The following CACNA2D1 variants were observed in gnomAD, a reference collection of about 807,000 sequenced individuals.
The protein encoded by CACNA2D1 is voltage-dependent calcium channel subunit alpha-2/delta-1.
In CACNA2D1, 53 loss-of-function variants were observed where a neutral mutation model predicts 171.5. The ratio of observed to expected loss-of-function variants is 0.31; its 90% CI spans 0.25 to 0.39. CACNA2D1 has a LOEUF of 0.39. CACNA2D1 is among the 10% of genes least tolerant of loss of function. CACNA2D1 has a pLI of 1.00. For missense variants in CACNA2D1, 903 were observed against 1,299.8 expected, an observed-to-expected ratio of 0.69 and a Z score of 4.69; for synonymous variants, 442 against 443.1, an observed-to-expected ratio of 1.00 and a Z score of 0.03.
chr7:81,972,162 G>A (rs1018757408), intron 25 of CACNA2D1, among the ~76,000 whole-genome samples: 4 of 151,300 alleles, frequency 2.6e-5, no homozygotes, highest in African/African-American at 9.7e-5. Context: ...CTTCTTTTGT[G>A]TTTTTGTTTA....
rs897523180 is a variant in CACNA2D1 at position 82,266,524 on chromosome 7, C to CT, written c.294+68610dup. Among the ~76,000 whole-genome samples, 45 of 151,174 alleles carry CT rather than the reference C, an allele frequency of 3.0e-4. No homozygotes were observed. The East Asian group carries it at 3.3e-3, about 11-fold the overall frequency. On this transcript the variant is annotated intron_variant, in intron 3 of 38. Transcript: ENST00000356860. ...CTACTGGCAAGAAAGGTTTTCAACT[C>CT]TTTTTTTTTGAGATGGATTTTTGCT...
chr7:82,167,416 C>G (rs1363468133), intron 4 of CACNA2D1, among the ~76,000 whole-genome samples: 1 of 151,894 alleles, frequency 6.6e-6, no homozygotes, highest in South Asian at 2.1e-4. Context: ...TATCTGTGCA[C>G]TAAAGCACCA....
At chr7:82,057,578 AT>A (rs1218871224) in intron 10 of CACNA2D1, among the ~76,000 whole-genome samples, 3 of 145,196 alleles carry the variant, frequency 2.1e-5, no homozygotes, top group East Asian at 4.1e-4. Context: ...AAAAAAAAAA[AT>A]AAGTGATGCT....
chr7:82,214,562 C>T (rs1469596340), intron 3 of CACNA2D1, among the ~76,000 whole-genome samples: 2 of 151,642 alleles, frequency 1.3e-5, no homozygotes, highest in Non-Finnish European at 2.9e-5. Flanking sequence ...CACACAATAT[C>T]CAACTTGGAA....
At chr7:82,361,055 G>A (rs1821025971) in intron 1 of CACNA2D1, among the ~76,000 whole-genome samples, 1 of 152,146 alleles carries the variant, frequency 6.6e-6, no homozygotes, top group Admixed American at 6.6e-5. Flanking sequence ...TTCTAGCTCA[G>A]AAAATATATT....
intron 10 of CACNA2D1, among the ~76,000 whole-genome samples, chr7:82,058,055 G>T (rs1471174306): frequency 6.6e-6 from 1 of 152,096 alleles, no homozygotes; most frequent in Non-Finnish European, 1.5e-5. Flanking sequence ...TGCCCAGTCT[G>T]TTTTTCCCAC....
intron 10 of CACNA2D1, among the ~76,000 whole-genome samples, chr7:82,052,858 T>C (rs1460059754): frequency 6.6e-6 from 1 of 152,158 alleles, no homozygotes; most frequent in East Asian, 1.9e-4. Context: ...TTTTCTACTG[T>C]TTTCTTATCC....
At chr7:82,298,403 C>A (rs1332455156) in intron 3 of CACNA2D1, among the ~76,000 whole-genome samples, 1 of 152,126 alleles carries the variant, frequency 6.6e-6, no homozygotes, top group Non-Finnish European at 1.5e-5. Context: ...GAAACATAAT[C>A]CAGGTTTTCC....
chr7:81,979,501 C>T (rs1796228433), intron 24 of CACNA2D1, among the ~76,000 whole-genome samples: 1 of 152,144 alleles, frequency 6.6e-6, no homozygotes, highest in Non-Finnish European at 1.5e-5. Flanking sequence ...GCATAATCTG[C>T]TACTTAATAA....
intron 3 of CACNA2D1, among the ~76,000 whole-genome samples, chr7:82,175,943 A>G (rs983225049): frequency 1.3e-5 from 2 of 151,048 alleles, no homozygotes; most frequent in Non-Finnish European, 2.9e-5. Flanking sequence ...ATGAAAAAAA[A>G]TCTTAGTAGA....
intron 25 of CACNA2D1, among the ~76,000 whole-genome samples, chr7:81,973,199 A>G (rs1795472518): frequency 6.6e-6 from 1 of 152,078 alleles, no homozygotes. Context: ...CAACAATCTT[A>G]TTACAGTTCT....
intron 6 of CACNA2D1, among the ~76,000 whole-genome samples, chr7:82,114,760 GAA>G (rs34240770): frequency 2.8e-3 from 286 of 103,078 alleles, no homozygotes; most frequent in African/African-American, 8.1e-3. Flanking sequence ...CGTCCCAGAA[GAA>G]AAAAAAAAAA....
intron 38 of CACNA2D1, among the ~76,000 whole-genome samples, chr7:81,955,980 A>ATTTTTTTTTTTT: frequency 2.9e-5 from 1 of 34,546 alleles, no homozygotes; most frequent in Non-Finnish European, 4.9e-5. Context: ...ATATATATAT[A>ATTTTTTTTTTTT]TTTTTTTTTT....
At chr7:82,058,802 CA>C (rs1450242434) in intron 10 of CACNA2D1, among the ~76,000 whole-genome samples, 1 of 152,080 alleles carries the variant, frequency 6.6e-6, no homozygotes, top group African/African-American at 2.4e-5. Flanking sequence ...AGGGAAATCA[CA>C]AAAAGAGTTT....
At chr7:82,350,190 T>C (rs1486106601) in intron 1 of CACNA2D1, among the ~76,000 whole-genome samples, 3 of 152,230 alleles carry the variant, frequency 2.0e-5, no homozygotes, top group African/African-American at 7.2e-5. Context: ...GATACATACT[T>C]TCCCATGACG....
chr7:82,361,988 T>C (rs997926892), intron 1 of CACNA2D1, among the ~76,000 whole-genome samples: 3 of 152,178 alleles, frequency 2.0e-5, no homozygotes, highest in Non-Finnish European at 4.4e-5. Context: ...ATATTTCAAA[T>C]AATTATTCCA....
chr7:82,333,588 A>C (rs1011690275), intron 3 of CACNA2D1, among the ~76,000 whole-genome samples: 5 of 151,984 alleles, frequency 3.3e-5, no homozygotes, highest in African/African-American at 1.2e-4. Flanking sequence ...ACCCGCCCCC[A>C]TGATTCAATT....
Position 82,053,766 on chromosome 7 carries a change from T to G in CACNA2D1, c.879+6662A>C, listed in dbSNP as rs1270197228. ...ACTTTTCTGCCCTGTTTATGACATA[T>G]TAATGGAGGTATTTTAATAACTTTT... On this transcript the variant is annotated intron_variant, in intron 10 of 38. Transcript: ENST00000356860. Among the ~76,000 whole-genome samples the G allele has an allele frequency of 2.0e-5, 3 of 152,318 alleles. No homozygotes were observed. The East Asian group carries it at 5.8e-4, about 29-fold the overall frequency.
In CACNA2D1 at chr7:81,993,680, T is replaced by C. The variant is rs369812623; in HGVS notation, c.1734+1188A>G. On this transcript the variant is annotated intron_variant, in intron 20 of 38. Coordinates refer to ENST00000356860, the MANE Select transcript of CACNA2D1 (RefSeq NM_000722.4). ...AATAACTTTTCTTGAAATACCAATA[T>C]ACATAGAAATCTGGAGTACAAGGCA... Among the ~76,000 whole-genome samples, 421 of 152,230 alleles carry C rather than the reference T, an allele frequency of 2.8e-3. 4 individuals carry two copies. The highest frequency in any genetic ancestry group is 9.7e-3 in the African/African-American group (405 of 41,580).
Sources: allele counts gnomAD v4.1 joint callset (sites outside exome capture counted in the v4.1 genomes callset), GRCh38; gene constraint gnomAD v4.1.1; transcripts MANE v1.5; gene names NCBI Gene and HGNC (gene_info 2026-07-23, HGNC 2026-07-21).